The following TBC1D32 variants were observed in gnomAD, a reference collection of about 807,000 sequenced individuals.
TBC1D32 encodes the protein protein broad-minded.
Under a neutral mutation model 170.3 loss-of-function variants are expected in TBC1D32, and 151 were observed. The ratio of observed to expected loss-of-function variants is 0.89; its 90% confidence interval spans 0.78 to 1.01. The LOEUF (loss-of-function observed/expected upper bound fraction) is 1.01. Ranked by LOEUF, TBC1D32 falls within the 50% of genes least tolerant of loss-of-function variation. TBC1D32 has a pLI of 0.00. For synonymous variants in TBC1D32, 498 were observed against 488.0 expected (o/e 1.02, Z -0.27); for missense variants, 1,464 against 1,457.1 (o/e 1.00, Z -0.08).
Position 121,151,193 on chromosome 6 carries a change from G to A in TBC1D32, c.2773+8817C>T, listed in dbSNP as rs182789778. On this transcript the variant is annotated intron_variant, in intron 24 of 31. Transcript: ENST00000398212. Reference sequence around the variant, plus strand: ...CTTTAGCTGTGTCCCAGAGATTCTGGTACATTGTGTCTATTCTCATTGGTT... The same window carrying A: ...CTTTAGCTGTGTCCCAGAGATTCTGATACATTGTGTCTATTCTCATTGGTT... 1.7e-4 allele frequency among the ~76,000 whole-genome samples: 26 copies of A among 152,198 alleles called. No individual in the cohort carries two copies. The East Asian group carries it at 4.6e-3, about 27-fold the overall frequency.
intron 30 of TBC1D32, among the ~76,000 whole-genome samples, chr6:121,101,013 T>C (rs1225435817): frequency 6.6e-6 from 1 of 151,998 alleles, no homozygotes; most frequent in Non-Finnish European, 1.5e-5. Flanking sequence ...CCTGGACACA[T>C]ACACCCTCCC....
intron 15 of TBC1D32, among the ~76,000 whole-genome samples, chr6:121,270,545 C>G (rs1033276049): frequency 1.2e-4 from 18 of 152,266 alleles, no homozygotes; most frequent in Admixed American, 3.9e-4. Context: ...CATACACCCT[C>G]CCAAGACTAA....
intron 31 of TBC1D32, among the ~76,000 whole-genome samples, chr6:121,087,615 T>C (rs1314877853): frequency 2.6e-5 from 4 of 152,202 alleles, no homozygotes; most frequent in Non-Finnish European, 4.4e-5. Context: ...AAGTATAACA[T>C]ATTTGTGGTT....
chr6:121,104,354 A>G (rs1430282530), intron 30 of TBC1D32, among the ~76,000 whole-genome samples: 1 of 151,736 alleles, frequency 6.6e-6, no homozygotes, highest in Non-Finnish European at 1.5e-5. Flanking sequence ...GAAATGAGAT[A>G]AAATTCAATA....
intron 2 of TBC1D32, among the ~76,000 whole-genome samples, chr6:121,318,696 T>C (rs1809264112): frequency 6.6e-6 from 1 of 151,684 alleles, no homozygotes; most frequent in South Asian, 2.1e-4. Flanking sequence ...TTCATATGAC[T>C]ATAGCAAGAA....
intron 17 of TBC1D32, among the ~76,000 whole-genome samples, chr6:121,246,473 AG>A (rs1441355614): frequency 7.2e-5 from 11 of 152,042 alleles, no homozygotes; most frequent in Non-Finnish European, 1.5e-4. Context: ...TTGACATAAA[AG>A]GGTTCTGTAA....
chr6:121,085,371 G>GTA (rs10682133), intron 31 of TBC1D32, among the ~76,000 whole-genome samples: 37,963 of 140,072 alleles, frequency 0.27, 7,432 homozygotes, highest in African/African-American at 0.56. Context: ...ATATATATAT[G>GTA]TGTATATATA....
chr6:121,136,756 C>G (rs1306180158), intron 24 of TBC1D32, among the ~76,000 whole-genome samples: 1 of 152,044 alleles, frequency 6.6e-6, no homozygotes, highest in Non-Finnish European at 1.5e-5. Context: ...TCTAAAAATT[C>G]AAACTCCTTT....
intron 1 of TBC1D32, among the ~76,000 whole-genome samples, chr6:121,322,815 A>G (rs1437983209): frequency 1.3e-5 from 2 of 152,176 alleles, no homozygotes; most frequent in Admixed American, 1.3e-4. Flanking sequence ...TTCATTTTCT[A>G]CATCAGTGGC....
chr6:121,216,133 C>T (rs1442922127), intron 21 of TBC1D32, among the ~76,000 whole-genome samples: 2 of 152,214 alleles, frequency 1.3e-5, no homozygotes, highest in Non-Finnish European at 2.9e-5. Context: ...GGCAGACCCA[C>T]TGTTAATCTG....
chr6:121,192,387 G>T (rs1173945651), intron 22 of TBC1D32: 1 of 152,098 alleles, frequency 6.6e-6, no homozygotes, highest in Admixed American at 6.6e-5. Flanking sequence ...TTGACCATAT[G>T]TGGAGAACCA....
At position 121,103,452 on chromosome 6, in the gene TBC1D32, G is replaced by C. The variant is rs1368385262; in HGVS notation, c.3465+2571C>G. On this transcript the variant is annotated intron_variant, in intron 30 of 31. Transcript: ENST00000398212. ...CTTTGTAGGGACATGGATGAAGCTG[G>C]AAACCATCATTCTCAGCAAACTATT... 2.6e-5 allele frequency among the ~76,000 whole-genome samples: 4 copies of C among 151,874 alleles called. 1 individual carries two copies. In the East Asian group the frequency reaches 7.8e-4, roughly 30 times the overall value.
chr6:121,200,240 C>T (rs1287436855), intron 22 of TBC1D32, among the ~76,000 whole-genome samples: 1 of 150,944 alleles, frequency 6.6e-6, no homozygotes, highest in African/African-American at 2.5e-5. Flanking sequence ...AGAGTTACTA[C>T]GTAAGATTTA....
intron 30 of TBC1D32, among the ~76,000 whole-genome samples, chr6:121,092,280 C>T: frequency 7.2e-6 from 1 of 138,284 alleles, no homozygotes; most frequent in Admixed American, 7.4e-5. Context: ...TATCTCTTCT[C>T]CTTCAGTTTT....
chr6:121,307,969 T>G lies in TBC1D32; in HGVS notation c.690+7A>C. On this transcript the variant is annotated splice_region_variant and intron_variant, in intron 5 of 31. Transcript: ENST00000398212. The stretch of plus-strand genomic sequence containing the variant: ...TATTTTTAATATTTCTATAACCATT[T>G]TCTTACACTAAACACAGGATCAGGA... The G allele has an allele frequency of 3.1e-6, 5 of 1,608,820 alleles. No individual in the cohort carries two copies. Among genetic ancestry groups the G allele is most frequent in the Non-Finnish European group, 4.2e-6 (5 of 1,178,456 alleles).
chr6:121,158,572 G>A (rs1050215866), intron 24 of TBC1D32, among the ~76,000 whole-genome samples: 1 of 152,080 alleles, frequency 6.6e-6, no homozygotes, highest in Non-Finnish European at 1.5e-5. Context: ...GAGGTAAGAG[G>A]ACACTCCAGC....
chr6:121,331,820 T>C (rs1188806088), intron 1 of TBC1D32, among the ~76,000 whole-genome samples: 3 of 152,156 alleles, frequency 2.0e-5, no homozygotes, highest in African/African-American at 7.2e-5. Flanking sequence ...CCTCTTTTCC[T>C]TTCTCATATA....
chr6:121,177,302 A>G (rs1787904393), intron 22 of TBC1D32, among the ~76,000 whole-genome samples: 3 of 152,058 alleles, frequency 2.0e-5, no homozygotes, highest in African/African-American at 7.2e-5. Flanking sequence ...ATAGTGAATG[A>G]GTTCTCATGA....
chr6:121,198,700 G>A (rs1194784811), intron 22 of TBC1D32, among the ~76,000 whole-genome samples: 3 of 151,010 alleles, frequency 2.0e-5, no homozygotes, highest in African/African-American at 7.4e-5. Context: ...GCAGTGAGCC[G>A]AGATCCCGCC....
Sources: allele counts gnomAD v4.1 joint callset (sites outside exome capture counted in the v4.1 genomes callset), GRCh38; gene constraint gnomAD v4.1.1; transcripts MANE v1.5; gene names NCBI Gene and HGNC (gene_info 2026-07-23, HGNC 2026-07-21).